PTPRO: variants seen among roughly 807,000 people sequenced by gnomAD.
The protein encoded by PTPRO is receptor-type tyrosine-protein phosphatase O.
Under a neutral mutation model 145.2 loss-of-function variants are expected in PTPRO, and 62 were observed. The observed-to-expected ratio is 0.43, with a 90% CI of 0.35 to 0.53. The LOEUF (loss-of-function observed/expected upper bound fraction) is 0.53, where lower values mean the gene tolerates loss of function less well. Ranked by LOEUF, PTPRO falls within the 20% of genes least tolerant of loss-of-function variation. The pLI is 0.01. For synonymous variants in PTPRO, 565 were observed against 514.7 expected, an observed-to-expected ratio of 1.10 and a Z score of -1.32; for missense variants, 1,345 against 1,482.7, an observed-to-expected ratio of 0.91 and a Z score of 1.53.
At chr12:15,429,009 C>T (rs1419269829) in intron 1 of PTPRO, among the ~76,000 whole-genome samples, 1 of 152,116 alleles carries the variant, frequency 6.6e-6, no homozygotes, top group African/African-American at 2.4e-5. Context: ...AATACAAAAG[C>T]TGCTAATTAC....
intron 1 of PTPRO, among the ~76,000 whole-genome samples, chr12:15,479,372 C>A (rs576993135): frequency 2.0e-5 from 3 of 152,156 alleles, no homozygotes; most frequent in Non-Finnish European, 4.4e-5. Context: ...AGGGGGTCTG[C>A]CCTTCATTAA....
chr12:15,437,529 G>A (rs1940631872), intron 1 of PTPRO, among the ~76,000 whole-genome samples: 1 of 152,098 alleles, frequency 6.6e-6, no homozygotes, highest in African/African-American at 2.4e-5. Flanking sequence ...ACCATTTATG[G>A]ACATAGATCA....
At chr12:15,456,505 T>C (rs1390248934) in intron 1 of PTPRO, among the ~76,000 whole-genome samples, 1 of 152,224 alleles carries the variant, frequency 6.6e-6, no homozygotes, top group African/African-American at 2.4e-5. Flanking sequence ...ATATTTGGCC[T>C]AATAAGATGA....
At chr12:15,466,277 G>A (rs907541836) in intron 1 of PTPRO, among the ~76,000 whole-genome samples, 8 of 152,044 alleles carry the variant, frequency 5.3e-5, no homozygotes, top group Admixed American at 3.3e-4. Context: ...AAAAGATTGA[G>A]AATATGTCAG....
intron 17 of PTPRO, among the ~76,000 whole-genome samples, chr12:15,562,387 C>T (rs1388726042): frequency 1.3e-5 from 2 of 152,146 alleles, no homozygotes; most frequent in Non-Finnish European, 2.9e-5. Context: ...CTGTGAACAA[C>T]AGCTGCAAAT....
chr12:15,563,878 A>G (rs1943835573), intron 17 of PTPRO, among the ~76,000 whole-genome samples: 1 of 152,196 alleles, frequency 6.6e-6, no homozygotes, highest in Non-Finnish European at 1.5e-5. Context: ...CAGAGCTGTT[A>G]GTCATCTCCG....
intron 12 of PTPRO, among the ~76,000 whole-genome samples, chr12:15,538,906 A>G (rs565854128): frequency 6.6e-6 from 1 of 152,318 alleles, no homozygotes; most frequent in South Asian, 2.1e-4. Context: ...CCAGCTTCCT[A>G]TCTATAAAAT....
chr12:15,549,603 G>C (rs7956508), intron 14 of PTPRO, among the ~76,000 whole-genome samples: 2 of 152,082 alleles, frequency 1.3e-5, no homozygotes, highest in African/African-American at 4.8e-5. Flanking sequence ...ATCTGTCACC[G>C]ATCAGAGAAT....
rs34372542 is a variant in PTPRO, at chr12:15,548,528, ATGTGTGTGTG to A, written c.2305-550_2305-541del. Among the ~76,000 whole-genome samples the A allele has an allele frequency of 5.5e-4, 82 of 149,336 alleles. 2 individuals carry two copies. In the South Asian group the frequency reaches 0.017, roughly 30 times the overall value. ...TGTGTGTATATATGTGTGTATATAT[ATGTGTGTGTG>A]TGTGTGTGTGTGTGTCTATATGCAT... On this transcript the variant is annotated intron_variant, in intron 13 of 26. Transcript: ENST00000281171.
At chr12:15,324,757 T>A (rs1866399031) in intron 1 of PTPRO, among the ~76,000 whole-genome samples, 1 of 152,196 alleles carries the variant, frequency 6.6e-6, no homozygotes, top group Admixed American at 6.5e-5. Flanking sequence ...GCTGGTTTTT[T>A]AGGCATTTTA....
intron 6 of PTPRO, among the ~76,000 whole-genome samples, chr12:15,506,446 G>A (rs1336320597): frequency 6.6e-6 from 1 of 152,168 alleles, no homozygotes; most frequent in African/African-American, 2.4e-5. Context: ...CTACTATAAA[G>A]AACTACTTGA....
chr12:15,580,122 A>C lies in PTPRO; in HGVS notation c.2997+7A>C, dbSNP rs767743073. 6.2e-7 allele frequency: 1 copy of C among 1,606,542 alleles called. No homozygotes were observed. Among genetic ancestry groups the C allele is most frequent in the East Asian group, 2.2e-5 (1 of 44,796 alleles). ...CAATGCCAACTATATTCCTGTAAGT[A>C]GAAAAAAAAAATCAGGCATCCCAAA... On this transcript the variant is annotated splice_region_variant and intron_variant, in intron 21 of 26. Coordinates refer to ENST00000281171, the MANE Select transcript of PTPRO (RefSeq NM_030667.3).
At chr12:15,560,916 C>T (rs1943756864) in intron 17 of PTPRO, among the ~76,000 whole-genome samples, 1 of 152,050 alleles carries the variant, frequency 6.6e-6, no homozygotes, top group African/African-American at 2.4e-5. Flanking sequence ...CTATTCTTTC[C>T]TCTGTAAAGA....
intron 12 of PTPRO, among the ~76,000 whole-genome samples, chr12:15,534,759 TTAAAA>T (rs1395348316): frequency 2.0e-5 from 3 of 152,158 alleles, no homozygotes; most frequent in Non-Finnish European, 4.4e-5. Flanking sequence ...TTTAGAGAAC[TTAAAA>T]TAAACAGTCC....
In PTPRO at chr12:15,520,180, T is replaced by C. The variant is rs750810196; in HGVS notation, c.1780-21T>C. ...CTTTCTCCCACAGTCTTTTGTCTCC[T>C]TGCTTGCTTTTCTCATTCAGAGAAT... On this transcript the variant is annotated intron_variant, in intron 9 of 26. Transcript: ENST00000281171. 2.6e-6 allele frequency: 4 copies of C among 1,557,786 alleles called. No individual in the cohort carries two copies. The Admixed American group carries it at 6.7e-5, about 26-fold the overall frequency.
chr12:15,583,500 A>ACACAC lies in PTPRO; in HGVS notation c.3255+1699_3255+1700insCACAC, dbSNP rs1482517978. Among the ~76,000 whole-genome samples, 19 of 141,704 alleles carry ACACAC rather than the reference A, an allele frequency of 1.3e-4. 1 individual carries two copies. Among genetic ancestry groups the ACACAC allele is most frequent in the African/African-American group, 4.3e-4 (17 of 39,470 alleles). 93.0% of individuals were successfully genotyped at this position (141,704 alleles called of 152,430 possible). A position where few individuals can be genotyped will look rare whatever the true frequency, so the allele number is the denominator to read the frequency against. On this transcript the variant is annotated intron_variant, in intron 23 of 26. Coordinates refer to ENST00000281171, the MANE Select transcript of PTPRO (RefSeq NM_030667.3). ...ATCTCCACACACACACACACACACA[A>ACACAC]AAAAAATCAACAAGAAAAATAGTAT...
At chr12:15,427,942 C>T (rs879537282) in intron 1 of PTPRO, among the ~76,000 whole-genome samples, 6 of 151,900 alleles carry the variant, frequency 3.9e-5, no homozygotes, top group Admixed American at 6.6e-5. Flanking sequence ...GATTTCCATT[C>T]TTATGTTATT....
chr12:15,375,517 G>A (rs933652082), intron 1 of PTPRO, among the ~76,000 whole-genome samples: 1 of 152,070 alleles, frequency 6.6e-6, no homozygotes, highest in African/African-American at 2.4e-5. Context: ...CAGCACTCTG[G>A]GAGGCCAAGG....
chr12:15,578,352 T>C (rs1944232661), intron 19 of PTPRO, among the ~76,000 whole-genome samples: 1 of 152,216 alleles, frequency 6.6e-6, no homozygotes, highest in African/African-American at 2.4e-5. Context: ...GTGTTATACA[T>C]ATAGTTCTTA....
Sources: gnomAD v4.1 joint callset for allele counts (sites outside exome capture counted in the v4.1 genomes callset) on GRCh38, gnomAD v4.1.1 for gene constraint, MANE v1.5 for transcripts, NCBI Gene and HGNC (gene_info 2026-07-23, HGNC 2026-07-21) for gene names.